UCHL3: variants seen among roughly 807,000 people sequenced by gnomAD.
UCHL3 encodes ubiquitin C-terminal hydrolase L3, also known as ubiquitin carboxyl-terminal hydrolase isozyme L3.
UCHL3 carries 22 observed loss-of-function variants against 35.8 expected under a neutral mutation model. The observed-to-expected ratio is 0.61, with a 90% CI of 0.44 to 0.88. The LOEUF is 0.88. Ranked by LOEUF, UCHL3 falls within the 40% of genes least tolerant of loss-of-function variation. The pLI, the probability that UCHL3 is intolerant of heterozygous loss-of-function variation, is 0.00. For synonymous variants in UCHL3, 90 were observed against 92.8 expected, an observed-to-expected ratio of 0.97 and a Z score of 0.17; for missense variants, 229 against 276.9, an observed-to-expected ratio of 0.83 and a Z score of 1.23.
chr13:75,551,571 G>A (rs1050225472), intron 2 of UCHL3, among the ~76,000 whole-genome samples: 2 of 152,052 alleles, frequency 1.3e-5, no homozygotes, highest in African/African-American at 4.8e-5. Flanking sequence ...CAAAATATTA[G>A]CAAATAGAAT....
chr13:75,601,660 A>T (rs2138588825), intron 7 of UCHL3, among the ~76,000 whole-genome samples: 1 of 152,364 alleles, frequency 6.6e-6, no homozygotes, highest in South Asian at 2.1e-4. Context: ...GCACTAGGAA[A>T]CAAAAAAATT....
chr13:75,549,722 G>C (rs531040642), upstream of UCHL3: 66 of 1,357,254 alleles, frequency 4.9e-5, no homozygotes, highest in South Asian at 8.6e-4. Context: ...TCCTCCGGGC[G>C]GTGTGTTGGG....
intron 8 of UCHL3, 198 bp downstream of exon 8, chr13:75,605,025 A>T: frequency 2.4e-6 from 1 of 418,338 alleles, no homozygotes; most frequent in Middle Eastern, 6.3e-4. Context: ...TCTATGAACA[A>T]ATGTAAAAAT....
intron 6 of UCHL3, among the ~76,000 whole-genome samples, chr13:75,574,177 C>T (rs2031951534): frequency 6.6e-6 from 1 of 151,738 alleles, no homozygotes; most frequent in Non-Finnish European, 1.5e-5. Flanking sequence ...GAGATTGTGC[C>T]ACTGTACTCC....
At chr13:75,589,334 G>T (rs1015045469) in intron 6 of UCHL3, among the ~76,000 whole-genome samples, 2 of 152,050 alleles carry the variant, frequency 1.3e-5, no homozygotes, top group African/African-American at 2.4e-5. Context: ...AAAAAGATGC[G>T]TATTATATTT....
chr13:75,573,439 T>C (rs1433238638), intron 6 of UCHL3, among the ~76,000 whole-genome samples: 1 of 152,220 alleles, frequency 6.6e-6, no homozygotes, highest in Non-Finnish European at 1.5e-5. Flanking sequence ...TCACAAATTG[T>C]TACCAGGTGC....
At chr13:75,573,322 G>A (rs1192417730) in intron 6 of UCHL3, among the ~76,000 whole-genome samples, 2 of 151,504 alleles carry the variant, frequency 1.3e-5, no homozygotes, top group African/African-American at 2.4e-5. Flanking sequence ...AGTGTTCGGT[G>A]TATTATTATC....
In UCHL3 at chr13:75,560,985, C is replaced by T. The variant is rs533111498; in HGVS notation, c.183+104C>T. 26 of 1,106,630 alleles carry T rather than the reference C, an allele frequency of 2.3e-5. No individual in the cohort carries two copies. In the African/African-American group the frequency reaches 3.9e-4, roughly 17 times the overall value. 68.6% of individuals were successfully genotyped at this position (1,106,630 alleles called of 1,614,324 possible). ...TCGCTCTGTTGCCTAGGCTGGAGTG[C>T]AGAGGTGTAATCATGGCTTACTGCA... On this transcript the variant is annotated intron_variant, in intron 3 of 8. Coordinates refer to ENST00000377595, the MANE Select transcript of UCHL3 (RefSeq NM_006002.5).
chr13:75,572,528 C>T (rs1254143022), intron 6 of UCHL3, among the ~76,000 whole-genome samples: 2 of 152,150 alleles, frequency 1.3e-5, no homozygotes, highest in African/African-American at 2.4e-5. Flanking sequence ...TTCTGTGGCT[C>T]TTAGGCCTAG....
chr13:75,605,902 TA>T lies in UCHL3; in HGVS notation c.*92del. 6 of 1,261,520 alleles carry T rather than the reference TA, an allele frequency of 4.8e-6. No homozygotes were observed. The highest frequency in any genetic ancestry group is 6.8e-6 in the Non-Finnish European group (6 of 878,310). 78.1% of individuals were successfully genotyped at this position (1,261,520 alleles called of 1,614,324 possible). On this transcript the variant is annotated 3_prime_UTR_variant, in exon 9 of 9. Transcript: ENST00000377595. ...AACTCAAAAATTTTGATATTTTCATTAACTTGATGATTAAACTTTATGTGAG... is the reference window on the plus strand; with the variant it reads ...AACTCAAAAATTTTGATATTTTCATTACTTGATGATTAAACTTTATGTGAG...
In UCHL3 at chr13:75,594,959, A is replaced by G. The variant is rs767594664; in HGVS notation, c.519A>G (p.Leu173=). The G allele has an allele frequency of 6.2e-7, 1 of 1,608,072 alleles. No homozygotes were observed. The highest frequency in any genetic ancestry group is 1.1e-5 in the South Asian group (1 of 89,544). The change falls in exon 7 of 9, where the codon TTA becomes TTG. Residue 173 remains leucine, a synonymous_variant. Transcript: ENST00000377595. ...DEKVDLHFIA[L]VHVDGHLYEL... is the part of the protein sequence containing the mutation. ...AAGTAGATCTTCATTTTATTGCATT[A>G]GTTCATGTAGATGGGCATCTCTATG...
intron 2 of UCHL3, among the ~76,000 whole-genome samples, chr13:75,554,546 G>A (rs1452382964): frequency 3.3e-5 from 5 of 152,066 alleles, no homozygotes; most frequent in Non-Finnish European, 7.4e-5. Flanking sequence ...CATTTCAGCT[G>A]CCACAGTGCA....
intron 6 of UCHL3, among the ~76,000 whole-genome samples, chr13:75,578,384 GATAA>G (rs2032086038): frequency 6.6e-6 from 1 of 152,072 alleles, no homozygotes; most frequent in African/African-American, 2.4e-5. Flanking sequence ...GATTCAAAGG[GATAA>G]ATATTTTTAT....
chr13:75,569,110 G>A lies in UCHL3; in HGVS notation c.427-350G>A, dbSNP rs2031775012. The A allele has an allele frequency of 2.4e-5, 4 of 169,386 alleles. No individual in the cohort carries two copies. The South Asian group carries it at 7.9e-4, about 34-fold the overall frequency. 10.5% of individuals were successfully genotyped at this position (169,386 alleles called of 1,614,324 possible). On this transcript the variant is annotated intron_variant, in intron 5 of 8. Coordinates refer to ENST00000377595, the MANE Select transcript of UCHL3 (RefSeq NM_006002.5). Reference sequence around the variant, plus strand: ...GAAACAGATGAGATAAGCTTCTTTAGTCTCTATCTGTGAAATGCTTACTTT... The same window carrying A: ...GAAACAGATGAGATAAGCTTCTTTAATCTCTATCTGTGAAATGCTTACTTT...
At chr13:75,577,720 A>G (rs1361211915) in intron 6 of UCHL3, among the ~76,000 whole-genome samples, 1 of 152,236 alleles carries the variant, frequency 6.6e-6, no homozygotes, top group Non-Finnish European at 1.5e-5. Context: ...AAAATTGTGA[A>G]GAAATATCAG....
At chr13:75,597,072 C>T (rs1477713863) in intron 7 of UCHL3, among the ~76,000 whole-genome samples, 1 of 152,126 alleles carries the variant, frequency 6.6e-6, no homozygotes, top group African/African-American at 2.4e-5. Flanking sequence ...ATAATAGGTA[C>T]ATTACAAAGA....
intron 3 of UCHL3, among the ~76,000 whole-genome samples, chr13:75,562,701 A>G (rs986903408): frequency 5.3e-5 from 8 of 152,130 alleles, no homozygotes; most frequent in African/African-American, 1.9e-4. Flanking sequence ...ATCAGCATTA[A>G]AAAGGCATAT....
chr13:75,562,214 A>G (rs951264114), intron 3 of UCHL3, among the ~76,000 whole-genome samples: 4 of 152,112 alleles, frequency 2.6e-5, no homozygotes, highest in African/African-American at 9.7e-5. Context: ...TTCAAGATAA[A>G]TTAAATAACA....
intron 6 of UCHL3, among the ~76,000 whole-genome samples, chr13:75,574,158 C>T (rs2031950634): frequency 6.6e-6 from 1 of 151,736 alleles, no homozygotes; most frequent in South Asian, 2.1e-4. Context: ...GCGGAGCTTG[C>T]AGTGAGCCGA....
Sources: allele counts gnomAD v4.1 joint callset (sites outside exome capture counted in the v4.1 genomes callset), GRCh38; gene constraint gnomAD v4.1.1; transcripts MANE v1.5; gene names NCBI Gene and HGNC (gene_info 2026-07-23, HGNC 2026-07-21).